ADAMTS12: variants seen among roughly 807,000 people sequenced by gnomAD.
The protein encoded by ADAMTS12 is ADAM metallopeptidase with thrombospondin type 1 motif 12.
A neutral mutation model predicts 167.8 loss-of-function variants in ADAMTS12; 118 were observed. The ratio of observed to expected loss-of-function variants is 0.70; its 90% CI spans 0.61 to 0.82. The LOEUF is 0.82. Ranked by LOEUF, ADAMTS12 falls within the 40% of genes least tolerant of loss-of-function variation. The probability of loss-of-function intolerance (pLI) is 0.00; values close to 1 mark genes in which losing one functional copy is unlikely to be tolerated. For synonymous variants in ADAMTS12, 704 were observed against 716.9 expected (o/e 0.98, Z 0.29); for missense variants, 1,916 against 1,998.8 (o/e 0.96, Z 0.79).
Position 33,754,428 on chromosome 5 carries a change from G to C in ADAMTS12, c.490-2880C>G, listed in dbSNP as rs1165843011. Among the ~76,000 whole-genome samples, 4 of 152,322 alleles carry C rather than the reference G, an allele frequency of 2.6e-5. No homozygotes were observed. In the South Asian group the frequency reaches 8.3e-4, roughly 32 times the overall value. On this transcript the variant is annotated intron_variant, in intron 2 of 23. Transcript: ENST00000504830. ...CAGGATGAGCCCTAGGCTAAAGCTCGAAGATAAACATGCCCCTTCACCTCC... is the reference window on the plus strand; with the variant it reads ...CAGGATGAGCCCTAGGCTAAAGCTCCAAGATAAACATGCCCCTTCACCTCC...
chr5:33,828,051 C>T (rs1393650059), intron 2 of ADAMTS12, among the ~76,000 whole-genome samples: 1 of 152,058 alleles, frequency 6.6e-6, no homozygotes, highest in Non-Finnish European at 1.5e-5. Flanking sequence ...GGGCATATAC[C>T]CAGGAATGGG....
intron 2 of ADAMTS12, among the ~76,000 whole-genome samples, chr5:33,833,995 A>G (rs1285096332): frequency 6.6e-6 from 1 of 151,946 alleles, no homozygotes; most frequent in Non-Finnish European, 1.5e-5. Flanking sequence ...ATCCAAGATC[A>G]AAGTGTAGGC....
chr5:33,870,294 T>G (rs1749989370), intron 2 of ADAMTS12, among the ~76,000 whole-genome samples: 1 of 152,216 alleles, frequency 6.6e-6, no homozygotes, highest in African/African-American at 2.4e-5. Context: ...AAGAAAGGCA[T>G]AGGAAATTAT....
intron 2 of ADAMTS12, among the ~76,000 whole-genome samples, chr5:33,759,731 A>G (rs941388222): frequency 2.0e-5 from 3 of 152,238 alleles, no homozygotes; most frequent in African/African-American, 7.2e-5. Context: ...GTTGCCTTTT[A>G]GTTAATTATC....
intron 2 of ADAMTS12, among the ~76,000 whole-genome samples, chr5:33,878,911 A>C (rs944489820): frequency 8.5e-5 from 13 of 152,210 alleles, no homozygotes; most frequent in African/African-American, 3.1e-4. Flanking sequence ...GGGCTCCTCC[A>C]ACTTCAGCGG....
intron 1 of ADAMTS12, among the ~76,000 whole-genome samples, chr5:33,885,295 C>CA (rs1750595952): frequency 6.6e-6 from 1 of 151,986 alleles, no homozygotes; most frequent in Non-Finnish European, 1.5e-5. Flanking sequence ...AATATATATG[C>CA]ATATGAACAA....
chr5:33,572,442 A>G lies in ADAMTS12; in HGVS notation c.3972+3612T>C, dbSNP rs1042955621. Among the ~76,000 whole-genome samples the G allele has an allele frequency of 7.9e-5, 12 of 151,940 alleles. No individual in the cohort carries two copies. The East Asian group carries it at 2.1e-3, about 27-fold the overall frequency. ...ATCCCTGGGATGCAAGGCTGGTTCA[A>G]TATACGCAAATCAATAAATGTAATC... On this transcript the variant is annotated intron_variant, in intron 19 of 23. Transcript: ENST00000504830.
intron 3 of ADAMTS12, among the ~76,000 whole-genome samples, chr5:33,724,743 G>A (rs1488686255): frequency 1.3e-5 from 2 of 151,626 alleles, no homozygotes; most frequent in Non-Finnish European, 2.9e-5. Flanking sequence ...AGTAGAGACG[G>A]GGTTTCACCG....
At chr5:33,560,753 C>A (rs1745701640) in intron 20 of ADAMTS12, among the ~76,000 whole-genome samples, 1 of 124,152 alleles carries the variant, frequency 8.1e-6, no homozygotes, top group African/African-American at 3.2e-5. Flanking sequence ...GGGAACATCA[C>A]ACACCGGGGC....
intron 22 of ADAMTS12, among the ~76,000 whole-genome samples, chr5:33,535,611 C>A (rs1364188219): frequency 3.3e-5 from 5 of 152,156 alleles, no homozygotes; most frequent in Non-Finnish European, 7.3e-5. Flanking sequence ...AGCTAAGACT[C>A]CCAACCCAAA....
At chr5:33,619,066 T>C (rs1739174950) in intron 14 of ADAMTS12, among the ~76,000 whole-genome samples, 1 of 152,214 alleles carries the variant, frequency 6.6e-6, no homozygotes, top group Non-Finnish European at 1.5e-5. Flanking sequence ...TTGATGCCTT[T>C]GGTGCTGAGT....
At chr5:33,584,107 G>C (rs1248217466) in intron 18 of ADAMTS12, among the ~76,000 whole-genome samples, 1 of 152,124 alleles carries the variant, frequency 6.6e-6, no homozygotes, top group African/African-American at 2.4e-5. Flanking sequence ...GTGGTTTAGT[G>C]GTTATGTGAC....
intron 2 of ADAMTS12, among the ~76,000 whole-genome samples, chr5:33,754,146 A>T (rs1358371440): frequency 6.6e-6 from 1 of 152,148 alleles, no homozygotes; most frequent in Non-Finnish European, 1.5e-5. Flanking sequence ...AGCCAGGGTC[A>T]TGCTAGAAAA....
At chr5:33,664,150 C>T (rs1483017678) in intron 5 of ADAMTS12, among the ~76,000 whole-genome samples, 1 of 152,286 alleles carries the variant, frequency 6.6e-6, no homozygotes, top group Middle Eastern at 3.4e-3. Flanking sequence ...TAGACACACA[C>T]AAGCTCATTC....
intron 7 of ADAMTS12, among the ~76,000 whole-genome samples, chr5:33,651,924 G>A (rs1341361702): frequency 6.6e-6 from 1 of 152,094 alleles, no homozygotes; most frequent in African/African-American, 2.4e-5. Flanking sequence ...TTTCACTTAG[G>A]ATAATGGTCT....
At chr5:33,595,868 G>T (rs1470792146) in intron 17 of ADAMTS12, 66 bp downstream of exon 17, 3 of 1,591,212 alleles carry the variant, frequency 1.9e-6, no homozygotes, top group Non-Finnish European at 2.6e-6. Context: ...GCAAGCACTA[G>T]GTCACTCTTG....
At chr5:33,878,464 C>G (rs1318620919) in intron 2 of ADAMTS12, among the ~76,000 whole-genome samples, 2 of 152,136 alleles carry the variant, frequency 1.3e-5, no homozygotes, top group Admixed American at 6.5e-5. Context: ...TCTGAAAATG[C>G]CTACATGGTA....
intron 3 of ADAMTS12, among the ~76,000 whole-genome samples, chr5:33,693,356 T>G (rs1290487543): frequency 1.3e-5 from 2 of 152,210 alleles, no homozygotes; most frequent in African/African-American, 4.8e-5. Context: ...ACTTCATTTT[T>G]AAAGAACGTG....
chr5:33,608,439 A>G (rs1225748732), intron 16 of ADAMTS12, among the ~76,000 whole-genome samples: 3 of 152,228 alleles, frequency 2.0e-5, no homozygotes, highest in Admixed American at 6.5e-5. Context: ...CTTTTTACAG[A>G]TGTGCTTACA....
Sources: gnomAD v4.1 joint callset for allele counts (sites outside exome capture counted in the v4.1 genomes callset) on GRCh38, gnomAD v4.1.1 for gene constraint, MANE v1.5 for transcripts, NCBI Gene and HGNC (gene_info 2026-07-23, HGNC 2026-07-21) for gene names.